INTS4: variants seen among roughly 807,000 people sequenced by gnomAD.
INTS4 encodes integrator complex subunit 4.
INTS4 carries 70 observed loss-of-function variants against 119.5 expected under a neutral mutation model. The ratio of observed to expected loss-of-function variants is 0.59; its 90% CI spans 0.48 to 0.71. INTS4 has a LOEUF of 0.71. Ranked by LOEUF, INTS4 falls within the 30% of genes least tolerant of loss-of-function variation. The probability of loss-of-function intolerance (pLI) is 0.00; values close to 1 mark genes in which losing one functional copy is unlikely to be tolerated. For missense variants in INTS4, 867 were observed against 1,173.2 expected, an observed-to-expected ratio of 0.74 and a Z score of 3.81; for synonymous variants, 316 against 419.6, an observed-to-expected ratio of 0.75 and a Z score of 3.02.
At position 77,878,823 on chromosome 11, in the gene INTS4, T is replaced by A. The variant is rs1951681200; in HGVS notation, c.*126A>T. The A allele has an allele frequency of 1.3e-6, 1 of 783,654 alleles. No individual in the cohort carries two copies. The highest frequency in any genetic ancestry group is 2.3e-6 in the Non-Finnish European group (1 of 437,370). The allele number at this position is 783,654 out of a possible 1,614,324, so 48.5% of individuals were successfully genotyped here. ...AATTTATCCTGTGTTTGATACCAGATGAGACTGTAAGGGTCACATACTCCT... is the reference window on the plus strand; with the variant it reads ...AATTTATCCTGTGTTTGATACCAGAAGAGACTGTAAGGGTCACATACTCCT... On this transcript the variant is annotated 3_prime_UTR_variant, in exon 23 of 23. Transcript: ENST00000534064.
rs1953889423 is a variant in INTS4 at position 77,939,886 on chromosome 11, C to A, written c.991-1061G>T. On this transcript the variant is annotated intron_variant, in intron 9 of 22. Coordinates refer to ENST00000534064, the MANE Select transcript of INTS4 (RefSeq NM_033547.4). ...CAAAACAAACAAACAAACAAAAAAACCATGCACAAGAAAAAGAGCTGAGAG... is the reference window on the plus strand; with the variant it reads ...CAAAACAAACAAACAAACAAAAAAAACATGCACAAGAAAAAGAGCTGAGAG... Among the ~76,000 whole-genome samples, 2 of 151,754 alleles carry A rather than the reference C, an allele frequency of 1.3e-5. 1 individual carries two copies. Among genetic ancestry groups the A allele is most frequent in the South Asian group, 4.2e-4 (2 of 4,790 alleles).
intron 9 of INTS4, among the ~76,000 whole-genome samples, chr11:77,940,781 C>T (rs529350718): frequency 8.5e-5 from 13 of 152,112 alleles, no homozygotes; most frequent in Admixed American, 5.2e-4. Flanking sequence ...GGACTACAGG[C>T]GCATGCCACC....
At chr11:77,955,120 A>C (rs1472846893) in intron 8 of INTS4, among the ~76,000 whole-genome samples, 3 of 152,110 alleles carry the variant, frequency 2.0e-5, no homozygotes, top group Admixed American at 6.6e-5. Flanking sequence ...CAGAAGGATC[A>C]CTTGAGCCTA....
At chr11:77,942,085 T>C (rs1167296768) in intron 8 of INTS4, among the ~76,000 whole-genome samples, 1 of 152,168 alleles carries the variant, frequency 6.6e-6, no homozygotes, top group Non-Finnish European at 1.5e-5. Context: ...ATTAAACAAA[T>C]ATTTAGCAAC....
chr11:77,963,300 C>T, intron 4 of INTS4: 3 of 340,006 alleles, frequency 8.8e-6, no homozygotes, highest in Non-Finnish European at 1.6e-5. Flanking sequence ...GCATCAAGGT[C>T]ATCATCATTA....
At chr11:77,929,348 C>T (rs574831001) in intron 10 of INTS4, among the ~76,000 whole-genome samples, 10 of 152,198 alleles carry the variant, frequency 6.6e-5, no homozygotes, top group African/African-American at 2.2e-4. Flanking sequence ...ACCTTAACGT[C>T]GATCTAAGAA....
chr11:77,904,096 T>G (rs568767945), intron 16 of INTS4, among the ~76,000 whole-genome samples: 6 of 152,312 alleles, frequency 3.9e-5, no homozygotes, highest in Non-Finnish European at 7.4e-5. Context: ...TTTCCTAGAT[T>G]TCTCCCTCTT....
At chr11:77,990,017 A>G (rs1591154684) in intron 2 of INTS4, among the ~76,000 whole-genome samples, 2 of 152,108 alleles carry the variant, frequency 1.3e-5, no homozygotes, top group South Asian at 4.1e-4. Context: ...GGAGTACAAG[A>G]CCAGCCTGGC....
intron 12 of INTS4, among the ~76,000 whole-genome samples, chr11:77,923,942 T>C (rs1007525083): frequency 1.3e-5 from 2 of 150,734 alleles, no homozygotes; most frequent in African/African-American, 4.9e-5. Context: ...TTTTTGCATT[T>C]TTAGTAGAGA....
chr11:77,897,912 G>A (rs1356415361), intron 18 of INTS4, among the ~76,000 whole-genome samples: 2 of 151,666 alleles, frequency 1.3e-5, no homozygotes, highest in Non-Finnish European at 2.9e-5. Flanking sequence ...GGGCTCAAGG[G>A]ATCCTCCCAC....
chr11:77,961,157 A>AAG lies in INTS4; in HGVS notation c.472-20_472-19insCT, dbSNP rs1555038562. 92 of 1,536,080 alleles carry AAG rather than the reference A, an allele frequency of 6.0e-5. No homozygotes were observed. The highest frequency in any genetic ancestry group is 6.8e-5 in the Non-Finnish European group (78 of 1,149,770). On this transcript the variant is annotated intron_variant, in intron 4 of 22. Coordinates refer to ENST00000534064, the MANE Select transcript of INTS4 (RefSeq NM_033547.4). The stretch of plus-strand genomic sequence containing the variant: ...TCAGATGCTATTAAAAAAAAAAAAA[A>AAG]AAAGAAAAAAAGAAAAAGAAAAAAA...
intron 10 of INTS4, among the ~76,000 whole-genome samples, chr11:77,929,518 T>A (rs910431766): frequency 6.6e-6 from 1 of 152,210 alleles, no homozygotes; most frequent in African/African-American, 2.4e-5. Context: ...TAGTAAATAA[T>A]GTTATCATTA....
At position 77,954,838 on chromosome 11, in the gene INTS4, G is replaced by A. The variant is rs551090515; in HGVS notation, c.918+1104C>T. On this transcript the variant is annotated intron_variant, in intron 8 of 22. Transcript: ENST00000534064. ...TCCTAACAAGCCATGGACCAGGACT[G>A]GTCCACAGCCTGGGGGTTTGAGCCT... 7.9e-5 allele frequency among the ~76,000 whole-genome samples: 12 copies of A among 152,292 alleles called. No individual in the cohort carries two copies. In the East Asian group the frequency reaches 2.1e-3, roughly 27 times the overall value.
chr11:77,985,626 C>G (rs1856425855), intron 2 of INTS4, among the ~76,000 whole-genome samples: 1 of 152,168 alleles, frequency 6.6e-6, no homozygotes, highest in Non-Finnish European at 1.5e-5. Flanking sequence ...TTCTTATTTA[C>G]TCAAGACTCA....
rs1951898341 is a variant in INTS4 at position 77,884,146 on chromosome 11, A to G, written c.2593-194T>C. 2.0e-5 allele frequency among the ~76,000 whole-genome samples: 3 copies of G among 152,146 alleles called. No homozygotes were observed. The South Asian group carries it at 6.2e-4, about 32-fold the overall frequency. The stretch of plus-strand genomic sequence containing the variant: ...TCCAGCATGAAGCAGTGTTCAGTAA[A>G]CATTTCCTGAATTCATGGTGAATAA... On this transcript the variant is annotated intron_variant, in intron 21 of 22. Coordinates refer to ENST00000534064, the MANE Select transcript of INTS4 (RefSeq NM_033547.4).
chr11:77,911,058 T>C (rs1485187905), intron 15 of INTS4: 5 of 1,289,000 alleles, frequency 3.9e-6, no homozygotes, highest in Non-Finnish European at 4.0e-6. Flanking sequence ...AACCGTCCAC[T>C]GGACTATGAC....
Position 77,949,342 on chromosome 11 carries a change from T to C in INTS4, c.918+6600A>G, listed in dbSNP as rs1180169469. Among the ~76,000 whole-genome samples, 5 of 151,990 alleles carry C rather than the reference T, an allele frequency of 3.3e-5. No individual in the cohort carries two copies. The East Asian group carries it at 7.7e-4, about 23-fold the overall frequency. On this transcript the variant is annotated intron_variant, in intron 8 of 22. Transcript: ENST00000534064. ...TTCATGACTAAAACACCAAAAGCAATGGCAACGAAGCCAAAATTGAGAAAT... is the reference window on the plus strand; with the variant it reads ...TTCATGACTAAAACACCAAAAGCAACGGCAACGAAGCCAAAATTGAGAAAT...
intron 18 of INTS4, among the ~76,000 whole-genome samples, chr11:77,895,527 GAAAAAAAAAAAAAAA>G (rs71046921): frequency 3.1e-3 from 122 of 39,266 alleles, no homozygotes; most frequent in African/African-American, 0.01. Flanking sequence ...TTCTTTTCCT[GAAAAAAAAAAAAAAA>G]AAAAAAAAAA....
intron 11 of INTS4, among the ~76,000 whole-genome samples, chr11:77,925,231 A>C (rs1953467465): frequency 6.6e-6 from 1 of 152,202 alleles, no homozygotes; most frequent in African/African-American, 2.4e-5. Context: ...TTAGCAGAAC[A>C]CTCAGAACAC....
Sources: gnomAD v4.1 joint callset for allele counts (sites outside exome capture counted in the v4.1 genomes callset) on GRCh38, gnomAD v4.1.1 for gene constraint, MANE v1.5 for transcripts, NCBI Gene and HGNC (gene_info 2026-07-23, HGNC 2026-07-21) for gene names.